CFAP299: variants seen among roughly 807,000 people sequenced by gnomAD.
CFAP299 encodes the protein cilia and flagella associated protein 299.
In CFAP299, 21 loss-of-function variants were observed where a neutral mutation model predicts 27.0. The observed-to-expected ratio is 0.78, with a 90% CI of 0.55 to 1.12. CFAP299 has a LOEUF of 1.12. Ranked by LOEUF, CFAP299 falls within the 50% of genes most tolerant of loss-of-function variation. The probability of loss-of-function intolerance (pLI) is 0.00; values close to 1 mark genes in which losing one functional copy is unlikely to be tolerated. For synonymous variants in CFAP299, 104 were observed against 98.1 expected (o/e 1.06, Z -0.36); for missense variants, 310 against 276.6 (o/e 1.12, Z -0.86).
At chr4:80,873,347 T>TA (rs1416835940) in intron 4 of CFAP299, among the ~76,000 whole-genome samples, 1 of 152,156 alleles carries the variant, frequency 6.6e-6, no homozygotes, top group Non-Finnish European at 1.5e-5. Flanking sequence ...GTGGAAAATA[T>TA]AAATGTCAAT....
intron 2 of CFAP299, among the ~76,000 whole-genome samples, chr4:80,505,962 T>C (rs1732010641): frequency 1.3e-5 from 2 of 151,470 alleles, no homozygotes; most frequent in African/African-American, 4.9e-5. Context: ...ACAGAGAGAC[T>C]CTGTTTCTAA....
At chr4:80,418,157 G>T (rs1355223542) in intron 2 of CFAP299, among the ~76,000 whole-genome samples, 1 of 152,062 alleles carries the variant, frequency 6.6e-6, no homozygotes, top group African/African-American at 2.4e-5. Flanking sequence ...CACAGTCTGG[G>T]ACAATATACA....
At chr4:80,809,473 G>C (rs17004995) in intron 3 of CFAP299, among the ~76,000 whole-genome samples, 11,762 of 152,150 alleles carry the variant, frequency 0.077, 531 homozygotes, top group African/African-American at 0.1. Context: ...GTGAAAGGCA[G>C]AGAGAGGGAG....
At chr4:80,778,626 G>T (rs1332952172) in intron 3 of CFAP299, among the ~76,000 whole-genome samples, 1 of 151,602 alleles carries the variant, frequency 6.6e-6, no homozygotes, top group African/African-American at 2.4e-5. Context: ...TATCCATATC[G>T]CATGCAGTCT....
At chr4:80,385,924 C>T (rs1382468605) in intron 2 of CFAP299, among the ~76,000 whole-genome samples, 1 of 152,230 alleles carries the variant, frequency 6.6e-6, no homozygotes, top group African/African-American at 2.4e-5. Flanking sequence ...CCAGCCATCT[C>T]TCTCTTGCCG....
chr4:80,747,841 A>C (rs1023903575), intron 3 of CFAP299, among the ~76,000 whole-genome samples: 1 of 152,056 alleles, frequency 6.6e-6, no homozygotes, highest in Admixed American at 6.6e-5. Flanking sequence ...ATCAATATTC[A>C]TGGCTTTACC....
At chr4:80,591,130 T>TTATTTTTTTTTGAGACGGAG (rs1736750875) in intron 3 of CFAP299, among the ~76,000 whole-genome samples, 1 of 137,836 alleles carries the variant, frequency 7.3e-6, no homozygotes, top group Non-Finnish European at 1.6e-5. Flanking sequence ...TTTTTTTTTT[T>TTATTTTTTTTTGAGACGGAG]TATTTTTTTT....
chr4:80,685,629 G>C (rs1256333565), intron 3 of CFAP299, among the ~76,000 whole-genome samples: 1 of 104,198 alleles, frequency 9.6e-6, no homozygotes, highest in Non-Finnish European at 1.8e-5. Context: ...TGTGTGGGGT[G>C]GGGGGTGGGT....
intron 4 of CFAP299, among the ~76,000 whole-genome samples, chr4:80,927,172 A>G (rs1211904833): frequency 1.3e-5 from 2 of 152,122 alleles, no homozygotes; most frequent in South Asian, 2.1e-4. Context: ...CTGTTTTTCT[A>G]TGTGGATTCA....
At chr4:80,386,231 C>G in intron 2 of CFAP299, 1 of 1,047,516 alleles carries the variant, frequency 9.5e-7, no homozygotes, top group Non-Finnish European at 1.4e-6. Context: ...CATGGGCCCT[C>G]GGCCCCGGCC....
intron 3 of CFAP299, among the ~76,000 whole-genome samples, chr4:80,845,293 T>TC (rs201846435): frequency 4.0e-5 from 6 of 150,810 alleles, no homozygotes; most frequent in African/African-American, 1.5e-4. Context: ...TTTTTTTTTT[T>TC]AAAAGACCGT....
intron 2 of CFAP299, among the ~76,000 whole-genome samples, chr4:80,394,658 CA>C (rs1236161310): frequency 6.6e-6 from 1 of 152,052 alleles, no homozygotes; most frequent in African/African-American, 2.4e-5. Context: ...ATCAGTTTTC[CA>C]AACAACATTT....
intron 3 of CFAP299, among the ~76,000 whole-genome samples, chr4:80,766,457 C>A (rs1244568633): frequency 6.6e-6 from 1 of 152,038 alleles, no homozygotes; most frequent in African/African-American, 2.4e-5. Context: ...TTGATGATGG[C>A]CAAAGACTAG....
At chr4:80,461,038 T>C (rs1307625794) in intron 2 of CFAP299, among the ~76,000 whole-genome samples, 1 of 152,144 alleles carries the variant, frequency 6.6e-6, no homozygotes, top group Non-Finnish European at 1.5e-5. Flanking sequence ...TACCAGGTCA[T>C]AGGTAGATTC....
chr4:80,761,059 T>C (rs1355834655), intron 3 of CFAP299, among the ~76,000 whole-genome samples: 1 of 152,166 alleles, frequency 6.6e-6, no homozygotes, highest in Non-Finnish European at 1.5e-5. Flanking sequence ...TGTATTTAAA[T>C]TTTTCCTGCT....
chr4:80,459,644 A>G (rs1729341297), intron 2 of CFAP299, among the ~76,000 whole-genome samples: 2 of 152,160 alleles, frequency 1.3e-5, no homozygotes, highest in Admixed American at 6.5e-5. Flanking sequence ...ATTCACTGCC[A>G]CTAACAATAT....
chr4:80,857,412 G>A (rs1026278331), intron 3 of CFAP299, among the ~76,000 whole-genome samples: 23 of 151,994 alleles, frequency 1.5e-4, no homozygotes, highest in African/African-American at 4.1e-4. Flanking sequence ...TCTCCTGCCT[G>A]ATTGCCCTGG....
chr4:80,866,574 C>T (rs1407977632), intron 3 of CFAP299, among the ~76,000 whole-genome samples: 1 of 152,024 alleles, frequency 6.6e-6, no homozygotes, highest in African/African-American at 2.4e-5. Flanking sequence ...CTGGATTTTT[C>T]AGGAAGGTGC....
chr4:80,369,439 G>A (rs543365860), intron 2 of CFAP299, among the ~76,000 whole-genome samples: 3 of 152,062 alleles, frequency 2.0e-5, no homozygotes, highest in African/African-American at 7.2e-5. Flanking sequence ...TTTGTGATGT[G>A]ACCCAAAATC....
Sources: allele counts gnomAD v4.1 joint callset (sites outside exome capture counted in the v4.1 genomes callset), GRCh38; gene constraint gnomAD v4.1.1; transcripts MANE v1.5; gene names NCBI Gene and HGNC (gene_info 2026-07-23, HGNC 2026-07-21).